The following INPP4B variants were observed in gnomAD, a reference collection of about 807,000 sequenced individuals.
INPP4B encodes inositol polyphosphate 4-phosphatase type II.
In INPP4B, 55 loss-of-function variants were observed where a neutral mutation model predicts 122.5. The observed-to-expected ratio is 0.45, with a 90% CI of 0.36 to 0.56. The LOEUF (loss-of-function observed/expected upper bound fraction) is 0.56. INPP4B is among the 20% of genes least tolerant of loss of function. The pLI, the probability that INPP4B is intolerant of heterozygous loss-of-function variation, is 0.00. For synonymous variants in INPP4B, 403 were observed against 388.7 expected (o/e 1.04, Z -0.43); for missense variants, 1,000 against 1,097.7 (o/e 0.91, Z 1.26).
At chr4:142,812,025 G>A (rs1002590854) in intron 1 of INPP4B, among the ~76,000 whole-genome samples, 1 of 151,824 alleles carries the variant, frequency 6.6e-6, no homozygotes, top group Non-Finnish European at 1.5e-5. Context: ...TAAGCATAAG[G>A]CACCACGAGA....
At chr4:142,393,500 C>T (rs1166823088) in intron 7 of INPP4B, among the ~76,000 whole-genome samples, 1 of 152,152 alleles carries the variant, frequency 6.6e-6, no homozygotes, top group East Asian at 1.9e-4. Flanking sequence ...CTACTGTTTC[C>T]GATGGGTTTA....
At chr4:142,183,178 C>A (rs1831650507) in intron 15 of INPP4B, among the ~76,000 whole-genome samples, 1 of 152,134 alleles carries the variant, frequency 6.6e-6, no homozygotes, top group South Asian at 2.1e-4. Context: ...TTCCTTGATA[C>A]CTCTGGGTTC....
chr4:142,817,914 C>G (rs547856333), intron 1 of INPP4B, among the ~76,000 whole-genome samples: 1 of 152,038 alleles, frequency 6.6e-6, no homozygotes, highest in East Asian at 1.9e-4. Context: ...CTTAGATAAA[C>G]TTAGCTGTGT....
At chr4:142,064,264 C>T (rs1171566646) in intron 25 of INPP4B, among the ~76,000 whole-genome samples, 1 of 152,158 alleles carries the variant, frequency 6.6e-6, no homozygotes, top group African/African-American at 2.4e-5. Flanking sequence ...ACATTAGCAG[C>T]TTTTAAGTTA....
intron 1 of INPP4B, among the ~76,000 whole-genome samples, chr4:142,792,280 G>C (rs1776652476): frequency 1.3e-5 from 2 of 151,524 alleles, no homozygotes; most frequent in South Asian, 4.2e-4. Flanking sequence ...TTTAGAAAAT[G>C]TTACTCCAAT....
intron 18 of INPP4B, among the ~76,000 whole-genome samples, chr4:142,144,658 C>T (rs947664435): frequency 1.3e-5 from 2 of 151,914 alleles, no homozygotes; most frequent in African/African-American, 4.8e-5. Context: ...TAAGTGTGAA[C>T]ATAAAGAACA....
chr4:142,802,347 G>T (rs1778108274), intron 1 of INPP4B, among the ~76,000 whole-genome samples: 1 of 152,164 alleles, frequency 6.6e-6, no homozygotes, highest in African/African-American at 2.4e-5. Context: ...GAGAAAACAA[G>T]TATGAAGAAC....
chr4:142,193,135 T>C lies in INPP4B; in HGVS notation c.1133A>G (p.Asn378Ser), dbSNP rs1333964029. 6.2e-7 allele frequency: 1 copy of C among 1,613,262 alleles called. No individual in the cohort carries two copies. The highest frequency in any genetic ancestry group is 1.1e-5 in the South Asian group (1 of 91,048). ...APAAHFQGFK[N>S]GGLRKLLHRF... is the part of the protein sequence containing the mutation. ...ATGGAGTAGCTTCCGAAGACCACCA[T>C]TCTTAAATCCCTGAAAATGGGCAGC... The change falls in exon 15 of 26, where the codon AAT becomes AGT. Residue 378 changes from asparagine to serine, a missense_variant. Asn to Ser is a conservative substitution (Grantham distance 46). Transcript: ENST00000262992.
At position 142,298,412 on chromosome 4, in the gene INPP4B, C is replaced by T. The variant is rs140617289; in HGVS notation, c.503+7046G>A. Reference sequence around the variant, plus strand: ...TCTAAAATAATTTGATCAGGCCATGCGCGGTGGCTCACACCTGTAACCCCA... The same window carrying T: ...TCTAAAATAATTTGATCAGGCCATGTGCGGTGGCTCACACCTGTAACCCCA... On this transcript the variant is annotated intron_variant, in intron 9 of 25. Coordinates refer to ENST00000262992, the MANE Select transcript of INPP4B (RefSeq NM_001101669.3). 1.9e-3 allele frequency among the ~76,000 whole-genome samples: 295 copies of T among 152,012 alleles called. 3 individuals carry two copies. The East Asian group carries it at 0.024, about 13-fold the overall frequency.
chr4:142,414,391 C>T (rs968263972), intron 5 of INPP4B, among the ~76,000 whole-genome samples: 5 of 152,078 alleles, frequency 3.3e-5, no homozygotes, highest in Admixed American at 2.0e-4. Flanking sequence ...TACCAATTCT[C>T]AATTTAAGTG....
In INPP4B at chr4:142,720,733, T is replaced by TATATATATGTATATATACATATATATAA. The variant is rs1553997305; in HGVS notation, c.-191+5105_-191+5106insTTATATATATGTATATATACATATATAT. ...AACTGTATATGTGTATATATATACATATATATATATATATACATATATATA... is the reference window on the plus strand; with the variant it reads ...AACTGTATATGTGTATATATATACATATATATATGTATATATACATATATATAAATATATATATATATACATATATATA... On this transcript the variant is annotated intron_variant, in intron 2 of 25. Transcript: ENST00000262992. Among the ~76,000 whole-genome samples, 87 of 55,452 alleles carry TATATATATGTATATATACATATATATAA rather than the reference T, an allele frequency of 1.6e-3. 6 individuals are homozygous for TATATATATGTATATATACATATATATAA. Among genetic ancestry groups the TATATATATGTATATATACATATATATAA allele is most frequent in the African/African-American group, 7.6e-3 (82 of 10,828 alleles). 36.4% of individuals were successfully genotyped at this position (55,452 alleles called of 152,430 possible).
In INPP4B at chr4:142,238,792, C is replaced by G. The variant is rs184948205; in HGVS notation, c.689-781G>C. On this transcript the variant is annotated intron_variant, in intron 11 of 25. Transcript: ENST00000262992. The stretch of plus-strand genomic sequence containing the variant: ...TTAGATATTATGATAACATTTGATA[C>G]TTATTAGTGAAGCCAGTACTCATAC... 3.9e-5 allele frequency among the ~76,000 whole-genome samples: 6 copies of G among 152,198 alleles called. No homozygotes were observed. The East Asian group carries it at 1.2e-3, about 29-fold the overall frequency.
intron 11 of INPP4B, among the ~76,000 whole-genome samples, chr4:142,238,986 T>C (rs28611471): frequency 0.14 from 21,145 of 151,938 alleles, 1,763 homozygotes; most frequent in African/African-American, 0.24. Flanking sequence ...TAATTAAAAA[T>C]ATCAGTTGAT....
chr4:142,306,822 C>T (rs1763561586), intron 8 of INPP4B, among the ~76,000 whole-genome samples: 2 of 151,972 alleles, frequency 1.3e-5, no homozygotes, highest in Admixed American at 1.3e-4. Context: ...CTGCAATGAG[C>T]TAAGATTGCA....
At chr4:142,233,723 C>A (rs1228368503) in intron 12 of INPP4B, among the ~76,000 whole-genome samples, 1 of 152,130 alleles carries the variant, frequency 6.6e-6, no homozygotes, top group Non-Finnish European at 1.5e-5. Flanking sequence ...AAGAATGCTT[C>A]AGGTTCTTTT....
chr4:142,564,750 T>C (rs1007580403), intron 2 of INPP4B, among the ~76,000 whole-genome samples: 2 of 152,072 alleles, frequency 1.3e-5, no homozygotes, highest in African/African-American at 4.8e-5. Flanking sequence ...AGGTTGTTCA[T>C]GGACCACACT....
chr4:142,373,091 G>A (rs1162519671), intron 7 of INPP4B, among the ~76,000 whole-genome samples: 1 of 152,006 alleles, frequency 6.6e-6, no homozygotes, highest in Admixed American at 6.6e-5. Context: ...AATAGCTGCA[G>A]GCTCTAACAA....
At chr4:142,295,204 G>C (rs2151026266) in intron 9 of INPP4B, among the ~76,000 whole-genome samples, 1 of 152,306 alleles carries the variant, frequency 6.6e-6, no homozygotes, top group South Asian at 2.1e-4. Flanking sequence ...ACTTACGCAA[G>C]CTTAAAAAGA....
chr4:142,742,842 G>T (rs530473130), intron 1 of INPP4B, among the ~76,000 whole-genome samples: 1 of 152,016 alleles, frequency 6.6e-6, no homozygotes, highest in East Asian at 1.9e-4. Flanking sequence ...ACAATGTAGA[G>T]CTAAGTGATT....
Sources: gnomAD v4.1 joint callset for allele counts (sites outside exome capture counted in the v4.1 genomes callset) on GRCh38, gnomAD v4.1.1 for gene constraint, MANE v1.5 for transcripts, NCBI Gene and HGNC (gene_info 2026-07-23, HGNC 2026-07-21) for gene names.